ROBO2: variants seen among roughly 807,000 people sequenced by gnomAD.
ROBO2 encodes roundabout homolog 2.
A neutral mutation model predicts 160.8 loss-of-function variants in ROBO2; 53 were observed. The ratio of observed to expected loss-of-function variants is 0.33; its 90% CI spans 0.26 to 0.41. ROBO2 has a LOEUF of 0.41. Among genes scored for constraint, ROBO2 ranks in the 10% least tolerant of loss-of-function variants. The pLI is 1.00. For synonymous variants in ROBO2, 664 were observed against 611.7 expected, an observed-to-expected ratio of 1.09 and a Z score of -1.26; for missense variants, 1,577 against 1,722.4, an observed-to-expected ratio of 0.92 and a Z score of 1.49.
At chr3:77,184,536 T>C (rs1296637022) in intron 2 of ROBO2, among the ~76,000 whole-genome samples, 2 of 152,016 alleles carry the variant, frequency 1.3e-5, no homozygotes, top group Non-Finnish European at 2.9e-5. Flanking sequence ...TCTGGAAAGT[T>C]GGTGATTGAT....
intron 2 of ROBO2, among the ~76,000 whole-genome samples, chr3:76,006,047 A>C (rs1003581237): frequency 6.6e-6 from 1 of 152,048 alleles, no homozygotes; most frequent in Non-Finnish European, 1.5e-5. Context: ...TTTTGGTTGC[A>C]CTCTGATTTT....
At chr3:77,367,498 G>A (rs1423460782) in intron 2 of ROBO2, among the ~76,000 whole-genome samples, 5 of 151,844 alleles carry the variant, frequency 3.3e-5, no homozygotes, top group East Asian at 1.9e-4. Context: ...AACCGGACTC[G>A]CGATAGTTTT....
intron 2 of ROBO2, among the ~76,000 whole-genome samples, chr3:76,323,333 T>C (rs541222276): frequency 1.6e-4 from 25 of 152,300 alleles, no homozygotes; most frequent in African/African-American, 5.8e-4. Context: ...GGATTTTTTT[T>C]CTCCTCATTC....
intron 2 of ROBO2, among the ~76,000 whole-genome samples, chr3:76,583,974 A>C (rs2108755689): frequency 6.6e-6 from 1 of 152,024 alleles, no homozygotes; most frequent in Middle Eastern, 3.4e-3. Context: ...TCATGTAAAA[A>C]CCACCTGAAC....
At chr3:76,573,136 T>G (rs1488148777) in intron 2 of ROBO2, among the ~76,000 whole-genome samples, 5 of 152,110 alleles carry the variant, frequency 3.3e-5, no homozygotes, top group African/African-American at 1.2e-4. Flanking sequence ...CCCTTGCTTT[T>G]GTGTAGCGAA....
At chr3:77,432,166 G>A (rs1045450226) in intron 2 of ROBO2, among the ~76,000 whole-genome samples, 3 of 152,078 alleles carry the variant, frequency 2.0e-5, no homozygotes, top group Admixed American at 2.0e-4. Flanking sequence ...GTAAGAATAA[G>A]GACAAAGAGA....
At chr3:77,098,959 G>A (rs1299829595) in intron 2 of ROBO2, among the ~76,000 whole-genome samples, 1 of 151,856 alleles carries the variant, frequency 6.6e-6, no homozygotes, top group African/African-American at 2.4e-5. Flanking sequence ...AGAATTGGGA[G>A]ATTTCAGGAT....
chr3:76,177,774 G>A (rs143298653), intron 2 of ROBO2, among the ~76,000 whole-genome samples: 5 of 152,130 alleles, frequency 3.3e-5, no homozygotes, highest in Non-Finnish European at 7.4e-5. Flanking sequence ...CACTGACAGA[G>A]CAGAGAAATA....
intron 2 of ROBO2, among the ~76,000 whole-genome samples, chr3:76,386,761 C>T (rs986340277): frequency 2.0e-5 from 3 of 152,032 alleles, no homozygotes; most frequent in South Asian, 4.1e-4. Context: ...GTTGAAGTGG[C>T]GTATACTATC....
intron 4 of ROBO2, among the ~76,000 whole-genome samples, chr3:77,489,403 T>C (rs989769436): frequency 2.0e-5 from 3 of 152,152 alleles, no homozygotes; most frequent in African/African-American, 4.8e-5. Flanking sequence ...AGAAGGTTCA[T>C]TGTGAAGTCC....
chr3:76,274,836 C>CAA lies in ROBO2; in HGVS notation c.109+337249_109+337250dup, dbSNP rs76078360. 4.0e-4 allele frequency among the ~76,000 whole-genome samples: 32 copies of CAA among 79,386 alleles called. 1 individual carries two copies. Among genetic ancestry groups the CAA allele is most frequent in the Admixed American group, 1.0e-3 (7 of 6,966 alleles). 52.1% of individuals were successfully genotyped at this position (79,386 alleles called of 152,430 possible). Reference sequence around the variant, plus strand: ...TGGGCAACAGAGTGAGACTCCTTTTCAAAAAAAAAAAAAAAAGAATGAAAG... The same window carrying CAA: ...TGGGCAACAGAGTGAGACTCCTTTTCAAAAAAAAAAAAAAAAAAGAATGAAAG... On this transcript the variant is annotated intron_variant, in intron 2 of 26. Transcript: ENST00000487694.
At chr3:75,945,149 A>C (rs1948227087) in intron 2 of ROBO2, among the ~76,000 whole-genome samples, 1 of 152,134 alleles carries the variant, frequency 6.6e-6, no homozygotes, top group Non-Finnish European at 1.5e-5. Flanking sequence ...ATTGACCAAA[A>C]CTCTGCCATC....
chr3:76,487,052 A>G (rs768688487), intron 2 of ROBO2, among the ~76,000 whole-genome samples: 8 of 152,098 alleles, frequency 5.3e-5, no homozygotes, highest in Non-Finnish European at 1.0e-4. Context: ...TCATGACAGC[A>G]TCGAACTCCT....
intron 24 of ROBO2, among the ~76,000 whole-genome samples, chr3:77,636,586 C>T (rs2095267779): frequency 6.6e-6 from 1 of 150,914 alleles, no homozygotes; most frequent in South Asian, 2.1e-4. Context: ...AGCAAGACTC[C>T]TTCTTAAAAA....
At chr3:76,740,523 C>T (rs776674150) in intron 2 of ROBO2, among the ~76,000 whole-genome samples, 2 of 152,064 alleles carry the variant, frequency 1.3e-5, no homozygotes, top group Non-Finnish European at 2.9e-5. Flanking sequence ...ATTCTCCTGC[C>T]CAGATTCATC....
At chr3:76,801,634 A>G (rs1310145192) in intron 2 of ROBO2, among the ~76,000 whole-genome samples, 2 of 152,140 alleles carry the variant, frequency 1.3e-5, no homozygotes, top group Non-Finnish European at 2.9e-5. Flanking sequence ...CGAGACCAGC[A>G]AAACTTTCTC....
At chr3:76,241,341 T>C (rs1705271967) in intron 2 of ROBO2, among the ~76,000 whole-genome samples, 1 of 152,224 alleles carries the variant, frequency 6.6e-6, no homozygotes, top group African/African-American at 2.4e-5. Flanking sequence ...AACGACGATG[T>C]CAAAATCCAT....
At chr3:75,948,371 A>G (rs1948401891) in intron 2 of ROBO2, among the ~76,000 whole-genome samples, 1 of 152,100 alleles carries the variant, frequency 6.6e-6, no homozygotes, top group African/African-American at 2.4e-5. Context: ...TGATGAGGAG[A>G]ATGCTAATCA....
intron 2 of ROBO2, among the ~76,000 whole-genome samples, chr3:76,162,217 A>G (rs1559603519): frequency 6.6e-6 from 1 of 152,230 alleles, no homozygotes; most frequent in Non-Finnish European, 1.5e-5. Context: ...CATACTGTCC[A>G]TACAGCATAT....
Sources: gnomAD v4.1 joint callset for allele counts (sites outside exome capture counted in the v4.1 genomes callset) on GRCh38, gnomAD v4.1.1 for gene constraint, MANE v1.5 for transcripts, NCBI Gene and HGNC (gene_info 2026-07-23, HGNC 2026-07-21) for gene names.